Variants in HS2ST1 observed in about 807,000 individuals in gnomAD.
The protein encoded by HS2ST1 is heparan sulfate 2-O-sulfotransferase 1, also known as 2-O-sulfotransferase.
In HS2ST1, 18 loss-of-function variants were observed where a neutral mutation model predicts 42.9. That is an observed-to-expected ratio of 0.42 (90% CI 0.29 to 0.62). The LOEUF (loss-of-function observed/expected upper bound fraction) is 0.62. Among genes scored for constraint, HS2ST1 ranks in the 20% least tolerant of loss-of-function variants. The pLI, the probability that HS2ST1 is intolerant of heterozygous loss-of-function variation, is 0.21. For synonymous variants in HS2ST1, 146 were observed against 152.9 expected, an observed-to-expected ratio of 0.95 and a Z score of 0.33; for missense variants, 334 against 433.8, an observed-to-expected ratio of 0.77 and a Z score of 2.04.
intron 1 of HS2ST1, among the ~76,000 whole-genome samples, chr1:86,926,612 A>T (rs1211245699): frequency 3.9e-5 from 6 of 152,214 alleles, no homozygotes; most frequent in Non-Finnish European, 8.8e-5. Context: ...GGGTAAATTC[A>T]GTCTCTTTTA....
chr1:86,992,549 ACGGGG>A (rs1248375019), intron 1 of HS2ST1, among the ~76,000 whole-genome samples: 1 of 151,830 alleles, frequency 6.6e-6, no homozygotes, highest in African/African-American at 2.4e-5. Flanking sequence ...TATTTTAGAG[ACGGGG>A]TTTCTCCATG....
chr1:87,066,881 T>C (rs950615883), intron 1 of HS2ST1, among the ~76,000 whole-genome samples: 6 of 152,178 alleles, frequency 3.9e-5, no homozygotes, highest in Admixed American at 3.9e-4. Context: ...TTTATCCATG[T>C]CCCTGCAAAG....
At chr1:86,977,239 A>G (rs1350506678) in intron 1 of HS2ST1, among the ~76,000 whole-genome samples, 1 of 152,070 alleles carries the variant, frequency 6.6e-6, no homozygotes, top group Non-Finnish European at 1.5e-5. Context: ...TAATTTTTTT[A>G]TTTGTTTATG....
chr1:87,075,104 A>C (rs1651503044), intron 2 of HS2ST1, among the ~76,000 whole-genome samples: 1 of 150,224 alleles, frequency 6.7e-6, no homozygotes, highest in South Asian at 2.1e-4. Flanking sequence ...CTGATATAAC[A>C]CACTTTTATT....
intron 1 of HS2ST1, among the ~76,000 whole-genome samples, chr1:87,034,976 C>CAA (rs1414937752): frequency 6.6e-6 from 1 of 152,128 alleles, no homozygotes; most frequent in Admixed American, 6.6e-5. Flanking sequence ...GCAAGAGAAT[C>CAA]AGAGTCCTAA....
At position 86,985,351 on chromosome 1, in the gene HS2ST1, C is replaced by CAA. The variant is rs71082050; in HGVS notation, c.124+70206_124+70207dup. Among the ~76,000 whole-genome samples, 98 of 26,910 alleles carry CAA rather than the reference C, an allele frequency of 3.6e-3. 14 individuals carry two copies. Among genetic ancestry groups the CAA allele is most frequent in the African/African-American group, 9.2e-3 (89 of 9,652 alleles). 17.7% of individuals were successfully genotyped at this position (26,910 alleles called of 152,430 possible). ...GCCTGGGAGACAGCGAGACTTGTATCAAAAAAAAAAAAAAAAGTATATATA... is the reference window on the plus strand; with the variant it reads ...GCCTGGGAGACAGCGAGACTTGTATCAAAAAAAAAAAAAAAAAAGTATATATA... On this transcript the variant is annotated intron_variant, in intron 1 of 6. Coordinates refer to ENST00000370550, the MANE Select transcript of HS2ST1 (RefSeq NM_012262.4).
Position 86,993,042 on chromosome 1 carries a change from T to C in HS2ST1, c.124+77882T>C, listed in dbSNP as rs76028078. 1.7e-3 allele frequency: 2,611 copies of C among 1,574,782 alleles called. 40 individuals are homozygous for C. In the African/African-American group the frequency reaches 0.032, roughly 19 times the overall value. ...GGGTACCTCTCACAGAAGAGTCTTATGACTGGCATCAGGGGAAGGTCACCA... is the reference window on the plus strand; with the variant it reads ...GGGTACCTCTCACAGAAGAGTCTTACGACTGGCATCAGGGGAAGGTCACCA... On this transcript the variant is annotated intron_variant, in intron 1 of 6. Coordinates refer to ENST00000370550, the MANE Select transcript of HS2ST1 (RefSeq NM_012262.4).
In HS2ST1 at chr1:87,081,611, G is replaced by A. The variant is rs538966120; in HGVS notation, c.364-2583G>A. On this transcript the variant is annotated intron_variant, in intron 2 of 6. Coordinates refer to ENST00000370550, the MANE Select transcript of HS2ST1 (RefSeq NM_012262.4). Reference sequence around the variant, plus strand: ...AGACAAACTTCAAATAAACAACCTAGTGTTGCATCTTAAAGAGCTAGAAAA... The same window carrying A: ...AGACAAACTTCAAATAAACAACCTAATGTTGCATCTTAAAGAGCTAGAAAA... Among the ~76,000 whole-genome samples the A allele has an allele frequency of 6.6e-5, 10 of 152,244 alleles. No individual in the cohort carries two copies. In the East Asian group the frequency reaches 9.6e-4, roughly 15 times the overall value.
intron 3 of HS2ST1, among the ~76,000 whole-genome samples, chr1:87,089,941 CGAG>C: frequency 6.6e-6 from 1 of 152,026 alleles, no homozygotes; most frequent in East Asian, 1.9e-4. Flanking sequence ...TGTTCTTCTG[CGAG>C]GAGATTATTC....
chr1:86,958,292 T>C (rs1647732512), intron 1 of HS2ST1: 1 of 152,270 alleles, frequency 6.6e-6, no homozygotes, highest in Non-Finnish European at 1.5e-5. Flanking sequence ...GTGTATGTTA[T>C]GTGTATTCTG....
At chr1:86,992,980 C>T (rs1236187680) in intron 1 of HS2ST1, 3 of 1,261,986 alleles carry the variant, frequency 2.4e-6, no homozygotes, top group Non-Finnish European at 2.2e-6. Context: ...TTCTTCTTGG[C>T]GTCTGTGTCT....
intron 1 of HS2ST1, among the ~76,000 whole-genome samples, chr1:86,928,660 A>C (rs1660472451): frequency 6.6e-6 from 1 of 151,996 alleles, no homozygotes; most frequent in Non-Finnish European, 1.5e-5. Context: ...CATGATTTTA[A>C]TGTATTTTAA....
At chr1:87,046,502 C>G (rs1192096243) in intron 1 of HS2ST1, 2 of 1,311,540 alleles carry the variant, frequency 1.5e-6, no homozygotes, top group Non-Finnish European at 2.2e-6. Context: ...TGGATATAAT[C>G]CAGTTAAACT....
rs113069682 is a variant in HS2ST1 at position 86,950,027 on chromosome 1, G to T, written c.124+34867G>T. On this transcript the variant is annotated intron_variant, in intron 1 of 6. Transcript: ENST00000370550. ...TATAGAAAATCCATAAATAGAAAAA[G>T]CACTATAGAAACATTTGATTAAGAT... 4.6e-3 allele frequency among the ~76,000 whole-genome samples: 702 copies of T among 152,216 alleles called. 4 individuals carry two copies. Among genetic ancestry groups the T allele is most frequent in the Middle Eastern group, 0.02 (6 of 294 alleles).
In HS2ST1 at chr1:87,102,066, A is replaced by T. The variant is rs572987543; in HGVS notation, c.687-1366A>T. On this transcript the variant is annotated intron_variant, in intron 5 of 6. Transcript: ENST00000370550. The stretch of plus-strand genomic sequence containing the variant: ...CCAGTCGTTTATTATTATTATTATT[A>T]TTATTTTTGAGACAAAGTTTTGCTC... 1.2e-3 allele frequency among the ~76,000 whole-genome samples: 180 copies of T among 151,084 alleles called. 1 individual carries two copies. The highest frequency in any genetic ancestry group is 4.1e-3 in the African/African-American group (169 of 41,258).
intron 2 of HS2ST1, among the ~76,000 whole-genome samples, chr1:87,083,894 C>CA (rs1651753569): frequency 6.6e-6 from 1 of 152,128 alleles, no homozygotes; most frequent in Admixed American, 6.6e-5. Flanking sequence ...TACACCCCCA[C>CA]AACGACCCTC....
chr1:86,947,230 A>G (rs1557489464), intron 1 of HS2ST1, among the ~76,000 whole-genome samples: 1 of 152,272 alleles, frequency 6.6e-6, no homozygotes. Context: ...AGTCTGAAGC[A>G]AAGAGCATGT....
At chr1:86,967,526 A>G (rs1648083427) in intron 1 of HS2ST1, among the ~76,000 whole-genome samples, 1 of 152,112 alleles carries the variant, frequency 6.6e-6, no homozygotes, top group Non-Finnish European at 1.5e-5. Flanking sequence ...TGTAGCTCCT[A>G]CTTATAAGTG....
At chr1:86,978,861 CTTTTTTTTT>C (rs55812524) in intron 1 of HS2ST1, among the ~76,000 whole-genome samples, 1 of 98,672 alleles carries the variant, frequency 1.0e-5, no homozygotes, top group South Asian at 3.6e-4. Context: ...ACTTGTGAAT[CTTTTTTTTT>C]TTTTTTTTTT....
Sources: allele counts gnomAD v4.1 joint callset (sites outside exome capture counted in the v4.1 genomes callset), GRCh38; gene constraint gnomAD v4.1.1; transcripts MANE v1.5; gene names NCBI Gene and HGNC (gene_info 2026-07-23, HGNC 2026-07-21).